Variants in CFAP77 observed in about 807,000 individuals in gnomAD.
The protein encoded by CFAP77 is cilia- and flagella-associated protein 77.
Under a neutral mutation model 31.1 loss-of-function variants are expected in CFAP77, and 25 were observed. That is an observed-to-expected ratio of 0.80 (90% CI 0.59 to 1.12). CFAP77 has a LOEUF of 1.12. Ranked by LOEUF, CFAP77 falls within the 50% of genes most tolerant of loss-of-function variation. The pLI is 0.00. For synonymous variants in CFAP77, 151 were observed against 159.9 expected (o/e 0.94, Z 0.42); for missense variants, 377 against 397.3 (o/e 0.95, Z 0.44).
intron 3 of CFAP77, among the ~76,000 whole-genome samples, chr9:132,536,457 G>C (rs1852546761): frequency 6.8e-6 from 1 of 146,122 alleles, no homozygotes; most frequent in Admixed American, 7.0e-5. Flanking sequence ...GCAGTGACGT[G>C]ATCTTGGCTC....
At chr9:132,459,964 G>A (rs1352148268) in intron 1 of CFAP77, among the ~76,000 whole-genome samples, 2 of 151,970 alleles carry the variant, frequency 1.3e-5, no homozygotes, top group East Asian at 1.9e-4. Context: ...GTGCATGAGC[G>A]TGTGCGTGTA....
At chr9:132,478,878 GTTCTTT>G (rs1851397576) in intron 1 of CFAP77, among the ~76,000 whole-genome samples, 1 of 152,122 alleles carries the variant, frequency 6.6e-6, no homozygotes, top group Non-Finnish European at 1.5e-5. Flanking sequence ...ACAGAATGCT[GTTCTTT>G]TTCTATTTTG....
chr9:132,452,345 G>A (rs1219392508), intron 1 of CFAP77, among the ~76,000 whole-genome samples: 1 of 152,202 alleles, frequency 6.6e-6, no homozygotes, highest in Non-Finnish European at 1.5e-5. Context: ...CAGCCAGGTG[G>A]CGTTGGTTTG....
chr9:132,469,187 G>A (rs512187), intron 1 of CFAP77, among the ~76,000 whole-genome samples: 86,868 of 151,444 alleles, frequency 0.57, 25,496 homozygotes, highest in East Asian at 0.89. Context: ...TACCAGGGGC[G>A]GAGACCCAGC....
Position 132,529,497 on chromosome 9 carries a change from T to TA in CFAP77, c.525-8103dup, listed in dbSNP as rs1852395304. Among the ~76,000 whole-genome samples the TA allele has an allele frequency of 2.5e-5, 2 of 80,244 alleles. 1 individual carries two copies. Among genetic ancestry groups the TA allele is most frequent in the South Asian group, 7.5e-4 (2 of 2,660 alleles). The allele number at this position is 80,244 out of a possible 152,430, so 52.6% of individuals were successfully genotyped here. A position where few individuals can be genotyped will look rare whatever the true frequency, so the allele number is the denominator to read the frequency against. The stretch of plus-strand genomic sequence containing the variant: ...CAATGTGCACATGTACCCTAAAACT[T>TA]AGAGTATAATAAAAAAAAAAAACAA... On this transcript the variant is annotated intron_variant, in intron 3 of 5. Transcript: ENST00000393216.
At position 132,481,250 on chromosome 9, in the gene CFAP77, C is replaced by G. The variant is rs905366858; in HGVS notation, c.196-17445C>G. Among the ~76,000 whole-genome samples, 2 of 152,260 alleles carry G rather than the reference C, an allele frequency of 1.3e-5. No homozygotes were observed. Among genetic ancestry groups the G allele is most frequent in the South Asian group, 2.1e-4 (1 of 4,816 alleles). Reference sequence around the variant, plus strand: ...GCTGCTAGACGCTTCAGCCCTGTCTCCCCCAGAGCGGCCTCACCCTCCTCC... The same window carrying G: ...GCTGCTAGACGCTTCAGCCCTGTCTGCCCCAGAGCGGCCTCACCCTCCTCC... On this transcript the variant is annotated intron_variant, in intron 1 of 5. Coordinates refer to ENST00000393216, the MANE Select transcript of CFAP77 (RefSeq NM_001282957.2). This position sits in a 1 kb window ranked among gnomAD's most constrained non-coding sequence, Gnocchi z 5.0.
chr9:132,413,402 C>T (rs908120764), intron 1 of CFAP77, among the ~76,000 whole-genome samples: 5 of 152,120 alleles, frequency 3.3e-5, no homozygotes, highest in South Asian at 2.1e-4. Context: ...TGAATCAAGT[C>T]GGTGTTTTAC....
intron 3 of CFAP77, among the ~76,000 whole-genome samples, chr9:132,500,204 G>A (rs530833730): frequency 4.5e-4 from 68 of 151,146 alleles, no homozygotes; most frequent in African/African-American, 1.6e-3. Context: ...ACAGATGGGA[G>A]AGCCTGCCAA....
intron 5 of CFAP77, among the ~76,000 whole-genome samples, chr9:132,549,560 G>A (rs1255850783): frequency 3.3e-5 from 5 of 152,218 alleles, no homozygotes; most frequent in Non-Finnish European, 7.3e-5. Context: ...GAGCTTGGCC[G>A]GGCACAGTGG....
intron 3 of CFAP77, among the ~76,000 whole-genome samples, chr9:132,512,995 A>C (rs1421123009): frequency 3.3e-5 from 5 of 152,126 alleles, no homozygotes; most frequent in Non-Finnish European, 2.9e-5. Context: ...TTTTATGAGG[A>C]GCAGGTATTT....
chr9:132,563,988 T>C (rs185764164), intron 5 of CFAP77, among the ~76,000 whole-genome samples: 1 of 152,296 alleles, frequency 6.6e-6, no homozygotes, highest in East Asian at 1.9e-4. Context: ...TCTGCTTGTG[T>C]GCTATTTCCT....
chr9:132,537,481 G>A (rs1381421512), intron 3 of CFAP77, 120 bp from the exon 4 acceptor site: 2 of 672,468 alleles, frequency 3.0e-6, no homozygotes, highest in Non-Finnish European at 5.2e-6. Flanking sequence ...TTTCACAGAG[G>A]TGGGAGTGAT....
chr9:132,431,954 C>A (rs1226978099), intron 1 of CFAP77, among the ~76,000 whole-genome samples: 1 of 152,140 alleles, frequency 6.6e-6, no homozygotes, highest in Non-Finnish European at 1.5e-5. Context: ...AGGTGTGAGC[C>A]ACCACTCCTG....
intron 1 of CFAP77, among the ~76,000 whole-genome samples, chr9:132,492,968 C>T (rs543504775): frequency 3.9e-4 from 59 of 152,280 alleles, no homozygotes; most frequent in African/African-American, 1.3e-3. Flanking sequence ...AGGACTCCCA[C>T]GGCTCCAGCC....
Position 132,498,661 on chromosome 9 carries a change from TC to T in CFAP77, c.196-32del, listed in dbSNP as rs1851784678. 2.0e-6 allele frequency: 3 copies of T among 1,517,778 alleles called. No homozygotes were observed. The highest frequency in any genetic ancestry group is 2.7e-6 in the Non-Finnish European group (3 of 1,100,900). 94.0% of individuals were successfully genotyped at this position (1,517,778 alleles called of 1,614,324 possible). ...CAATACATTTGGTCTGAGACTCCAC[TC>T]CTCACCTCTGCTCTCTGTCCTTCCC... On this transcript the variant is annotated intron_variant, in intron 1 of 5. Transcript: ENST00000393216. The surrounding 1 kb of genome is among the most constrained non-coding windows in gnomAD (Gnocchi z 4.2).
rs1852876191 is a variant in CFAP77 at position 132,554,948 on chromosome 9, C to G, written c.732+11901C>G. ...TGCATCCATCCATCCACCCATCCAT[C>G]CATCCATCCATCCATCCATCCATCC... On this transcript the variant is annotated intron_variant, in intron 5 of 5. Coordinates refer to ENST00000393216, the MANE Select transcript of CFAP77 (RefSeq NM_001282957.2). The surrounding 1 kb of genome is among the most constrained non-coding windows in gnomAD (Gnocchi z 4.1). Among the ~76,000 whole-genome samples, 1 of 84,776 alleles carries G rather than the reference C, an allele frequency of 1.2e-5. No homozygotes were observed. Among genetic ancestry groups the G allele is most frequent in the Non-Finnish European group, 2.3e-5 (1 of 43,942 alleles). 55.6% of individuals were successfully genotyped at this position (84,776 alleles called of 152,430 possible). A position where few individuals can be genotyped will look rare whatever the true frequency, so the allele number is the denominator to read the frequency against.
chr9:132,433,129 C>T (rs1445045123), intron 1 of CFAP77, among the ~76,000 whole-genome samples: 1 of 152,128 alleles, frequency 6.6e-6, no homozygotes, highest in South Asian at 2.1e-4. Context: ...GGATTACAGG[C>T]GTGAACCACC....
rs1414578207 is a variant in CFAP77 at position 132,486,025 on chromosome 9, T to C, written c.196-12670T>C. ...ATATATATATATATATATATATATA[T>C]ATATATATATATATATGTATGTATA... On this transcript the variant is annotated intron_variant, in intron 1 of 5. Coordinates refer to ENST00000393216, the MANE Select transcript of CFAP77 (RefSeq NM_001282957.2). Among the ~76,000 whole-genome samples the C allele has an allele frequency of 1.2e-3, 58 of 49,438 alleles. 1 individual carries two copies. Among genetic ancestry groups the C allele is most frequent in the Non-Finnish European group, 2.6e-4 (8 of 30,926 alleles). 32.4% of individuals were successfully genotyped at this position (49,438 alleles called of 152,430 possible). A position where few individuals can be genotyped will look rare whatever the true frequency, so the allele number is the denominator to read the frequency against.
Position 132,572,641 on chromosome 9 carries a change from G to A in CFAP77, c.*131G>A, listed in dbSNP as rs1829975571. The stretch of plus-strand genomic sequence containing the variant: ...TCTGCTTCAAGGAGCTCAGATTCAA[G>A]TCTTAGGCTAATTGTTTTTGGTAAA... On this transcript the variant is annotated 3_prime_UTR_variant, in exon 6 of 6. Transcript: ENST00000393216. 2 of 931,556 alleles carry A rather than the reference G, an allele frequency of 2.1e-6. No homozygotes were observed. Among genetic ancestry groups the A allele is most frequent in the African/African-American group, 1.7e-5 (1 of 59,574 alleles). 57.7% of individuals were successfully genotyped at this position (931,556 alleles called of 1,614,324 possible).
Sources: gnomAD v4.1 joint callset for allele counts (sites outside exome capture counted in the v4.1 genomes callset) on GRCh38, gnomAD v4.1.1 for gene constraint, Gnocchi (gnomAD v3.1) non-coding constraint, MANE v1.5 for transcripts, NCBI Gene and HGNC (gene_info 2026-07-23, HGNC 2026-07-21) for gene names.